Variants in GREB1L observed in about 807,000 individuals in gnomAD.
The protein encoded by GREB1L is GREB1 like retinoic acid receptor coactivator, also known as GREB1-like protein.
GREB1L carries 17 observed loss-of-function variants against 200.8 expected under a neutral mutation model. That is an observed-to-expected ratio of 0.08 (90% CI 0.06 to 0.13). The LOEUF is 0.13. Among genes scored for constraint, GREB1L ranks in the 10% least tolerant of loss-of-function variants. GREB1L has a pLI of 1.00. For synonymous variants in GREB1L, 789 were observed against 893.0 expected (o/e 0.88, Z 2.08); for missense variants, 1,657 against 2,367.7 (o/e 0.70, Z 6.23).
At chr18:21,392,751 A>T (rs1232967224) in intron 4 of GREB1L, among the ~76,000 whole-genome samples, 21 of 151,876 alleles carry the variant, frequency 1.4e-4, no homozygotes, top group Admixed American at 1.1e-3. Flanking sequence ...CCATTTTTTT[A>T]AATTTAAATT....
intron 1 of GREB1L, among the ~76,000 whole-genome samples, chr18:21,266,136 GTCC>G (rs1460950030): frequency 1.3e-5 from 2 of 152,132 alleles, no homozygotes; most frequent in Non-Finnish European, 2.9e-5. Context: ...TCTGGCTCAG[GTCC>G]TTCTCCATTC....
At chr18:21,497,761 A>AAGT (rs1309601734) in intron 21 of GREB1L, among the ~76,000 whole-genome samples, 1 of 151,642 alleles carries the variant, frequency 6.6e-6, no homozygotes, top group Non-Finnish European at 1.5e-5. Context: ...CCACTTCCAG[A>AAGT]AGTAATCACT....
intron 5 of GREB1L, among the ~76,000 whole-genome samples, chr18:21,396,241 C>T (rs2041060594): frequency 1.3e-5 from 2 of 151,878 alleles, no homozygotes; most frequent in Admixed American, 6.6e-5. Context: ...GACAGGGTTT[C>T]ACCATGTTGG....
At chr18:21,282,555 G>T (rs1305441276) in intron 1 of GREB1L, among the ~76,000 whole-genome samples, 1 of 151,600 alleles carries the variant, frequency 6.6e-6, no homozygotes, top group East Asian at 1.9e-4. Flanking sequence ...CATAGTTATT[G>T]TTGACAGTTA....
At chr18:21,498,502 C>A (rs1369822270) in intron 21 of GREB1L, among the ~76,000 whole-genome samples, 1 of 152,178 alleles carries the variant, frequency 6.6e-6, no homozygotes, top group Non-Finnish European at 1.5e-5. Context: ...CACCTGGAAG[C>A]TTTTGGATAC....
At chr18:21,306,934 T>C (rs1485694618) in intron 1 of GREB1L, among the ~76,000 whole-genome samples, 2 of 152,196 alleles carry the variant, frequency 1.3e-5, no homozygotes, top group African/African-American at 4.8e-5. Flanking sequence ...GATGGTGATA[T>C]GTTTTATCTT....
At chr18:21,245,154 T>C (rs1297828764) in intron 1 of GREB1L, among the ~76,000 whole-genome samples, 1 of 152,198 alleles carries the variant, frequency 6.6e-6, no homozygotes, top group Non-Finnish European at 1.5e-5. Flanking sequence ...TTTTAGTGAC[T>C]GCGTATGGTC....
intron 7 of GREB1L, among the ~76,000 whole-genome samples, chr18:21,406,494 G>A (rs1255857642): frequency 1.3e-5 from 2 of 152,184 alleles, no homozygotes; most frequent in Non-Finnish European, 2.9e-5. Flanking sequence ...TAAAATTTTT[G>A]TGTTAATGAA....
At chr18:21,339,058 G>A (rs182545913) in intron 1 of GREB1L, among the ~76,000 whole-genome samples, 1 of 152,174 alleles carries the variant, frequency 6.6e-6, no homozygotes, top group Non-Finnish European at 1.5e-5. Flanking sequence ...GTGGTGGCGG[G>A]CGCCTGTAAT....
intron 15 of GREB1L, among the ~76,000 whole-genome samples, chr18:21,467,608 A>C (rs1323270281): frequency 6.6e-6 from 1 of 152,210 alleles, no homozygotes; most frequent in Admixed American, 6.5e-5. Context: ...ATATGTGGAG[A>C]AGTTGGAACC....
rs372788290 is a variant in GREB1L at position 21,476,053 on chromosome 18, AG to A, written c.2364-1106del. 1.0e-3 allele frequency among the ~76,000 whole-genome samples: 149 copies of A among 142,966 alleles called. No individual in the cohort carries two copies. In the Middle Eastern group the frequency reaches 0.014, roughly 14 times the overall value. The allele number at this position is 142,966 out of a possible 152,430, so 93.8% of individuals were successfully genotyped here. ...GATCAAATTCTAGTAATTATCTGGTAGGGGGCATCTTTGCTCCTATGGATCA... is the reference window on the plus strand; with the variant it reads ...GATCAAATTCTAGTAATTATCTGGTAGGGGCATCTTTGCTCCTATGGATCA... On this transcript the variant is annotated intron_variant, in intron 16 of 32. Transcript: ENST00000424526.
chr18:21,503,648 C>G (rs1407681961), intron 23 of GREB1L, among the ~76,000 whole-genome samples: 1 of 151,726 alleles, frequency 6.6e-6, no homozygotes, highest in Non-Finnish European at 1.5e-5. Flanking sequence ...GCGATCTTGG[C>G]TCACTGCAAC....
At chr18:21,331,367 C>G (rs1465807168) in intron 1 of GREB1L, among the ~76,000 whole-genome samples, 1 of 152,134 alleles carries the variant, frequency 6.6e-6, no homozygotes, top group African/African-American at 2.4e-5. Context: ...GAGAGGAAAT[C>G]GGAGAAATCC....
At chr18:21,348,038 G>A (rs1287576612) in intron 1 of GREB1L, among the ~76,000 whole-genome samples, 21 of 133,796 alleles carry the variant, frequency 1.6e-4, no homozygotes, top group East Asian at 6.9e-4. Flanking sequence ...TCCGCCTCCC[G>A]GGTTCACGCC....
At chr18:21,434,762 GTGTT>G (rs1962108823) in intron 7 of GREB1L, among the ~76,000 whole-genome samples, 2 of 151,920 alleles carry the variant, frequency 1.3e-5, no homozygotes, top group African/African-American at 2.4e-5. Context: ...CTTCTAGTGA[GTGTT>G]TGTTAAATAA....
chr18:21,277,874 G>A (rs1002321436), intron 1 of GREB1L, among the ~76,000 whole-genome samples: 10 of 152,040 alleles, frequency 6.6e-5, no homozygotes, highest in East Asian at 3.9e-4. Flanking sequence ...TTCAGTGTCC[G>A]GTACATTGAG....
chr18:21,328,243 T>C (rs1401707053), intron 1 of GREB1L, among the ~76,000 whole-genome samples: 5 of 151,960 alleles, frequency 3.3e-5, no homozygotes, highest in African/African-American at 4.8e-5. Flanking sequence ...CTAATCACAC[T>C]GGATGGAATT....
chr18:21,444,747 AG>A (rs754346023), intron 11 of GREB1L, among the ~76,000 whole-genome samples: 1 of 152,250 alleles, frequency 6.6e-6, no homozygotes, highest in Non-Finnish European at 1.5e-5. Flanking sequence ...GAGCTTGGCC[AG>A]GCCACCTTTC....
rs540328677 is a variant in GREB1L, at chr18:21,461,903, C to T, written c.2182+7340C>T. ...GCCCTCTGGTAAAAACAAATTTAGT[C>T]ATTAAAGCCCATGTTCCAGAAATCT... On this transcript the variant is annotated intron_variant, in intron 15 of 32. Transcript: ENST00000424526. Among the ~76,000 whole-genome samples, 30 of 152,272 alleles carry T rather than the reference C, an allele frequency of 2.0e-4. No individual in the cohort carries two copies. The South Asian group carries it at 6.0e-3, about 31-fold the overall frequency.
Sources: allele counts gnomAD v4.1 joint callset (sites outside exome capture counted in the v4.1 genomes callset), GRCh38; gene constraint gnomAD v4.1.1; transcripts MANE v1.5; gene names NCBI Gene and HGNC (gene_info 2026-07-23, HGNC 2026-07-21).